FANCA: variants seen among roughly 807,000 people sequenced by gnomAD.
FANCA encodes the protein FA complementation group A.
A neutral mutation model predicts 194.3 loss-of-function variants in FANCA; 236 were observed. The ratio of observed to expected loss-of-function variants is 1.21; its 90% CI spans 1.09 to 1.35. The LOEUF (loss-of-function observed/expected upper bound fraction) is 1.35, where lower values mean the gene tolerates loss of function less well. Among genes scored for constraint, FANCA ranks in the 40% most tolerant of loss-of-function variants. The probability of loss-of-function intolerance (pLI) is 0.00; values close to 1 mark genes in which losing one functional copy is unlikely to be tolerated. For missense variants in FANCA, 2,628 were observed against 1,813.9 expected (o/e 1.45, Z -8.15); for synonymous variants, 1,014 against 715.8 (o/e 1.42, Z -6.65).
At chr16:89,810,851 A>G in intron 4 of FANCA, 49 bp from the exon 5 acceptor site, 1 of 1,612,222 alleles carries the variant, frequency 6.2e-7, no homozygotes, top group Non-Finnish European at 8.5e-7. Flanking sequence ...CTGAAACAAT[A>G]CTAAAGCTAT....
chr16:89,815,048 T>C (rs1264550602), intron 2 of FANCA, among the ~76,000 whole-genome samples: 1 of 152,188 alleles, frequency 6.6e-6, no homozygotes, highest in Admixed American at 6.5e-5. Flanking sequence ...TTTTCCTTTT[T>C]TTCTTTTTTG....
At chr16:89,800,533 C>A (rs116594675) in intron 8 of FANCA, among the ~76,000 whole-genome samples, 1 of 152,108 alleles carries the variant, frequency 6.6e-6, no homozygotes, top group Admixed American at 6.5e-5. Context: ...TAACGTTCTT[C>A]CCAGAAATAG....
intron 5 of FANCA, among the ~76,000 whole-genome samples, chr16:89,810,190 G>A (rs2143672513): frequency 6.6e-6 from 1 of 151,786 alleles, no homozygotes; most frequent in South Asian, 2.1e-4. Context: ...GGGCGTGGTG[G>A]CAGTCACCTG....
rs761025172 is a variant in FANCA, at chr16:89,738,117, CAT to C, written c.*482_*483del. The C allele has an allele frequency of 1.5e-5, 24 of 1,613,800 alleles. No individual in the cohort carries two copies. Among genetic ancestry groups the C allele is most frequent in the Non-Finnish European group, 1.9e-5 (23 of 1,180,050 alleles). On this transcript the variant is annotated 3_prime_UTR_variant, in exon 43 of 43. Coordinates refer to ENST00000389301, the MANE Select transcript of FANCA (RefSeq NM_000135.4). ...AGAAGGCCCACAACCTCAATGTACACATGTCCATGGTGCACCCGCTGACACAG... is the reference window on the plus strand; with the variant it reads ...AGAAGGCCCACAACCTCAATGTACACGTCCATGGTGCACCCGCTGACACAG...
intron 7 of FANCA, 63 bp downstream of exon 7, chr16:89,805,217 G>A: frequency 2.3e-6 from 3 of 1,284,148 alleles, no homozygotes; most frequent in East Asian, 2.4e-5. Flanking sequence ...CTTGAGAGCA[G>A]AAGGCATTAT....
Position 89,808,486 on chromosome 16 carries a change from G to C in FANCA, c.523-119C>G. On this transcript the variant is annotated intron_variant, in intron 5 of 42. Coordinates refer to ENST00000389301, the MANE Select transcript of FANCA (RefSeq NM_000135.4). ...CTTAGGTTCTTAACCATGCCGTATT[G>C]AAAATTAACCTCAAGCAAAAACTTA... The C allele has an allele frequency of 7.7e-6, 8 of 1,041,730 alleles. No individual in the cohort carries two copies. In the South Asian group the frequency reaches 9.6e-5, roughly 12 times the overall value. 64.5% of individuals were successfully genotyped at this position (1,041,730 alleles called of 1,614,324 possible).
chr16:89,775,931 A>ACTGG (rs2143394647), intron 20 of FANCA, 116 bp from the exon 21 acceptor site: 1 of 616,386 alleles, frequency 1.6e-6, no homozygotes, highest in African/African-American at 1.9e-5. Context: ...AATTATAAAT[A>ACTGG]CTGTGTACAG....
At chr16:89,795,025 C>A (rs1310385810) in intron 11 of FANCA, among the ~76,000 whole-genome samples, 1 of 152,194 alleles carries the variant, frequency 6.6e-6, no homozygotes, top group Non-Finnish European at 1.5e-5. Flanking sequence ...CGGCACACGC[C>A]TGTAATCCCA....
chr16:89,740,251 G>A (rs1170367300), intron 38 of FANCA, 152 bp from the exon 39 acceptor site: 2 of 732,332 alleles, frequency 2.7e-6, no homozygotes, highest in Non-Finnish European at 4.9e-6. Flanking sequence ...AGGTAATACT[G>A]GGCCTCTGGA....
At chr16:89,810,168 A>G (rs1029038305) in intron 5 of FANCA, among the ~76,000 whole-genome samples, 1 of 149,542 alleles carries the variant, frequency 6.7e-6, no homozygotes, top group African/African-American at 2.5e-5. Context: ...TAAAAAATAC[A>G]AAAAATTAGC....
At chr16:89,757,352 GTC>G (rs1240480641) in intron 30 of FANCA, among the ~76,000 whole-genome samples, 1 of 152,150 alleles carries the variant, frequency 6.6e-6, no homozygotes, top group Non-Finnish European at 1.5e-5. Context: ...TTAACAAGAA[GTC>G]ACCCACGATG....
Position 89,799,579 on chromosome 16 carries a change from T to C in FANCA, c.826+26A>G, listed in dbSNP as rs774086576. ...AATAAGCAAACTAAGTCATTTACAG[T>C]CTGGGCTGCAGTGCAATTAACTTAC... is the stretch of plus-strand genomic sequence containing the variant. On this transcript the variant is annotated intron_variant, in intron 9 of 42. Transcript: ENST00000389301. The C allele has an allele frequency of 4.4e-5, 71 of 1,608,026 alleles. 2 individuals carry two copies. In the Admixed American group the frequency reaches 4.8e-4, roughly 11 times the overall value.
chr16:89,798,744 G>C (rs934744110), intron 10 of FANCA: 12 of 1,359,476 alleles, frequency 8.8e-6, no homozygotes, highest in African/African-American at 4.4e-5. Flanking sequence ...GATCTGTGGA[G>C]GCCAGGCAGC....
chr16:89,800,525 ACG>A (rs2040408753), intron 8 of FANCA, among the ~76,000 whole-genome samples: 1 of 152,196 alleles, frequency 6.6e-6, no homozygotes, highest in African/African-American at 2.4e-5. Flanking sequence ...AATACCAATA[ACG>A]TTCTTCCCAG....
intron 10 of FANCA, among the ~76,000 whole-genome samples, chr16:89,796,529 C>G (rs932750375): frequency 2.0e-5 from 3 of 152,200 alleles, no homozygotes; most frequent in Non-Finnish European, 2.9e-5. Context: ...CTAAGGTTTC[C>G]TGGGCCATCT....
At chr16:89,742,328 C>G (rs2062154009) in intron 37 of FANCA, among the ~76,000 whole-genome samples, 1 of 152,028 alleles carries the variant, frequency 6.6e-6, no homozygotes, top group Non-Finnish European at 1.5e-5. Context: ...CATGGTGGCA[C>G]ACACCTGTAG....
At position 89,816,624 on chromosome 16, in the gene FANCA, C is replaced by G. The variant is rs918527976; in HGVS notation, c.-9G>C. The G allele has an allele frequency of 2.3e-5, 35 of 1,521,156 alleles. No homozygotes were observed. The highest frequency in any genetic ancestry group is 2.6e-5 in the Non-Finnish European group (30 of 1,142,134). The allele number at this position is 1,521,156 out of a possible 1,614,324, so 94.2% of individuals were successfully genotyped here. ...ACCCACGAGTCGGACATGGCCTTGG[C>G]GCCTACAGCCCCGGCGGCGGCTCCC... On this transcript the variant is annotated 5_prime_UTR_variant, in exon 1 of 43. Coordinates refer to ENST00000389301, the MANE Select transcript of FANCA (RefSeq NM_000135.4).
intron 6 of FANCA, among the ~76,000 whole-genome samples, chr16:89,807,033 C>G (rs998251760): frequency 6.6e-6 from 1 of 152,148 alleles, no homozygotes; most frequent in Non-Finnish European, 1.5e-5. Flanking sequence ...CATTCTTAAT[C>G]TAACTTGTTC....
chr16:89,778,558 G>A, intron 20 of FANCA: 2 of 471,124 alleles, frequency 4.2e-6, no homozygotes, highest in South Asian at 4.4e-5. Flanking sequence ...AACCTAAGAT[G>A]TGGAGGTTGC....
Sources: gnomAD v4.1 joint callset for allele counts (sites outside exome capture counted in the v4.1 genomes callset) on GRCh38, gnomAD v4.1.1 for gene constraint, MANE v1.5 for transcripts, NCBI Gene and HGNC (gene_info 2026-07-23, HGNC 2026-07-21) for gene names.